CFHR2: variants seen among roughly 807,000 people sequenced by gnomAD.
The protein encoded by CFHR2 is complement factor H-related protein 2.
Under a neutral mutation model 21.7 loss-of-function variants are expected in CFHR2, and 22 were observed. The ratio of observed to expected loss-of-function variants is 1.01; its 90% CI spans 0.72 to 1.45. CFHR2 has a LOEUF of 1.45. Among genes scored for constraint, CFHR2 ranks in the 40% most tolerant of loss-of-function variants. The pLI is 0.00. For synonymous variants in CFHR2, 98 were observed against 97.4 expected (o/e 1.01, Z -0.04); for missense variants, 294 against 293.3 (o/e 1.00, Z -0.02).
intron 2 of CFHR2, among the ~76,000 whole-genome samples, chr1:196,950,634 C>A (rs767612155): frequency 6.6e-6 from 1 of 151,900 alleles, no homozygotes; most frequent in Non-Finnish European, 1.5e-5. Context: ...CCACTATGCC[C>A]GCTAATTTTT....
chr1:196,957,859 C>T (rs1200805409), intron 3 of CFHR2, 32 bp from the exon 4 acceptor site: 1 of 1,588,800 alleles, frequency 6.3e-7, no homozygotes, highest in Non-Finnish European at 8.6e-7. Flanking sequence ...TTTTTATTTA[C>T]TCTCCCAGTA....
At chr1:196,957,841 A>G in intron 3 of CFHR2, 50 bp from the exon 4 acceptor site, 1 of 1,551,078 alleles carries the variant, frequency 6.4e-7, no homozygotes, top group Non-Finnish European at 8.9e-7. Flanking sequence ...GCCTTATTTG[A>G]ACTTGTATTT....
intron 3 of CFHR2, among the ~76,000 whole-genome samples, chr1:196,956,916 G>T (rs1338012106): frequency 6.6e-6 from 1 of 152,044 alleles, no homozygotes; most frequent in East Asian, 1.9e-4. Context: ...TATAAGCCCA[G>T]GTTTCCCATT....
chr1:196,944,540 A>G (rs1483121077), intron 1 of CFHR2, among the ~76,000 whole-genome samples: 1 of 151,874 alleles, frequency 6.6e-6, no homozygotes, highest in Admixed American at 6.6e-5. Context: ...AATACTACAA[A>G]CGGCTTCTTA....
rs4085749 is a variant in CFHR2, at chr1:196,951,018, C to T, written c.420C>T (p.Cys140=). ...GGGGCTGGTCCACTCCTCCCAAATGCAGGTCCACTAGTAAGTGCAATGTTG... is the reference window on the plus strand; with the variant it reads ...GGGGCTGGTCCACTCCTCCCAAATGTAGGTCCACTAGTAAGTGCAATGTTG... ...VERGWSTPPK[C]RSTISAEKCG... is the part of the protein sequence containing the mutation. The change falls in exon 3 of 5, where the codon TGC becomes TGT. Residue 140 remains cysteine (C), a synonymous_variant. Transcript: ENST00000367415. 407,016 of 1,613,224 alleles carry T rather than the reference C, an allele frequency of 0.25. 60,599 individuals carry two copies. The highest frequency in any genetic ancestry group is 0.7 in the East Asian group (31,515 of 44,816).
chr1:196,950,635 G>A (rs917077605), intron 2 of CFHR2, among the ~76,000 whole-genome samples: 3 of 151,918 alleles, frequency 2.0e-5, no homozygotes, highest in East Asian at 1.9e-4. Flanking sequence ...CACTATGCCC[G>A]CTAATTTTTG....
chr1:196,958,393 A>AGTGT (rs111351996), intron 4 of CFHR2, among the ~76,000 whole-genome samples: 312 of 148,620 alleles, frequency 2.1e-3, no homozygotes, highest in African/African-American at 6.5e-3. Context: ...ATTGTGTGTA[A>AGTGT]GTGTGTGTGT....
At chr1:196,948,085 T>C (rs1252519391) in intron 1 of CFHR2, among the ~76,000 whole-genome samples, 1 of 152,122 alleles carries the variant, frequency 6.6e-6, no homozygotes, top group Non-Finnish European at 1.5e-5. Context: ...TAATTTTTCC[T>C]GCACCATCGT....
chr1:196,949,849 G>A (rs1036336796), intron 2 of CFHR2, among the ~76,000 whole-genome samples, 200 bp downstream of exon 2: 4 of 152,110 alleles, frequency 2.6e-5, no homozygotes, highest in African/African-American at 9.7e-5. Flanking sequence ...TGCATTACCC[G>A]GAAATTCTCT....
Position 196,958,967 on chromosome 1 carries a change from G to C in CFHR2, c.700G>C (p.Gly234Arg). Residue 234 changes from glycine to arginine, a missense_variant, in exon 5 of 5, where the codon GGT becomes CGT. By Grantham distance (125) the Gly-to-Arg change is moderately radical. Coordinates refer to ENST00000367415, the MANE Select transcript of CFHR2 (RefSeq NM_005666.4). ...TNQQKLYSRT[G>R]DIVEFVCKSG... ...CCAACAAAAGCTTTATTCAAGAACA[G>C]GTGACATAGTTGAATTTGTTTGTAA... The C allele has an allele frequency of 6.2e-7, 1 of 1,608,750 alleles. No homozygotes were observed. Among genetic ancestry groups the C allele is most frequent in the African/African-American group, 1.3e-5 (1 of 74,890 alleles).
intron 1 of CFHR2, among the ~76,000 whole-genome samples, chr1:196,948,484 C>A (rs1217908553): frequency 6.6e-6 from 1 of 152,066 alleles, no homozygotes; most frequent in Non-Finnish European, 1.5e-5. Flanking sequence ...CCATGTTGGC[C>A]AGGCTGGTCT....
chr1:196,957,861 C>G, intron 3 of CFHR2, 30 bp from the exon 4 acceptor site: 1 of 1,585,578 alleles, frequency 6.3e-7, no homozygotes, highest in Non-Finnish European at 8.6e-7. Flanking sequence ...TTTATTTACT[C>G]TCCCAGTAAA....
intron 3 of CFHR2, among the ~76,000 whole-genome samples, chr1:196,955,668 G>A (rs543966348): frequency 6.6e-5 from 10 of 151,948 alleles, no homozygotes; most frequent in African/African-American, 9.7e-5. Context: ...GACCCACATC[G>A]TGAAACTCTG....
chr1:196,958,941 A>G lies in CFHR2; in HGVS notation c.674A>G (p.Asn225Ser). 1 of 1,605,516 alleles carries G rather than the reference A, an allele frequency of 6.2e-7. No individual in the cohort carries two copies. The highest frequency in any genetic ancestry group is 8.5e-7 in the Non-Finnish European group (1 of 1,172,820). ...EKYNIKLKWT[N>S]QQKLYSRTGD... ...TATAACATAAAATTAAAGTGGACAA[A>G]CCAACAAAAGCTTTATTCAAGAACA... is the stretch of plus-strand genomic sequence containing the variant. The change falls in exon 5 of 5, where the codon AAC becomes AGC. Residue 225 changes from asparagine to serine, a missense_variant. Asn to Ser is a conservative substitution (Grantham distance 46). Transcript: ENST00000367415.
chr1:196,955,215 T>C (rs1652818858), intron 3 of CFHR2, among the ~76,000 whole-genome samples: 1 of 152,188 alleles, frequency 6.6e-6, no homozygotes, highest in African/African-American at 2.4e-5. Flanking sequence ...TTGACACTAG[T>C]CTCTTTGCTA....
chr1:196,949,087 A>G (rs1453089832), intron 1 of CFHR2, among the ~76,000 whole-genome samples: 12 of 152,202 alleles, frequency 7.9e-5, no homozygotes, highest in Admixed American at 2.0e-4. Flanking sequence ...ATTGAGAGCT[A>G]AGAACAACCC....
chr1:196,955,236 A>C (rs1381267118), intron 3 of CFHR2, among the ~76,000 whole-genome samples: 2 of 152,176 alleles, frequency 1.3e-5, no homozygotes, highest in African/African-American at 4.8e-5. Flanking sequence ...CAGCATAGCA[A>C]GAGTGACCTT....
intron 3 of CFHR2, among the ~76,000 whole-genome samples, chr1:196,954,161 C>T (rs894030993): frequency 1.3e-5 from 2 of 152,162 alleles, no homozygotes; most frequent in African/African-American, 4.8e-5. Flanking sequence ...TTATAATTTC[C>T]CTCCAACTTT....
chr1:196,958,932 A>G lies in CFHR2; in HGVS notation c.665A>G (p.Lys222Arg), dbSNP rs1240880385. 1 of 1,602,612 alleles carries G rather than the reference A, an allele frequency of 6.2e-7. No homozygotes were observed. The highest frequency in any genetic ancestry group is 8.5e-7 in the Non-Finnish European group (1 of 1,170,462). Residue 222 changes from lysine to arginine, a missense_variant, in exon 5 of 5, where the codon AAG becomes AGG. Coordinates refer to ENST00000367415, the MANE Select transcript of CFHR2 (RefSeq NM_005666.4). ...ATGGAAAAATATAACATAAAATTAA[A>G]GTGGACAAACCAACAAAAGCTTTAT... is the stretch of plus-strand genomic sequence containing the variant. ...EIMEKYNIKLKWTNQQKLYSR... is the reference protein window; with the variant it reads ...EIMEKYNIKLRWTNQQKLYSR...
Sources: gnomAD v4.1 joint callset for allele counts (sites outside exome capture counted in the v4.1 genomes callset) on GRCh38, gnomAD v4.1.1 for gene constraint, MANE v1.5 for transcripts, NCBI Gene and HGNC (gene_info 2026-07-23, HGNC 2026-07-21) for gene names.